WTAP: variants seen among roughly 807,000 people sequenced by gnomAD.
WTAP encodes the protein pre-mRNA-splicing regulator WTAP.
A neutral mutation model predicts 50.0 loss-of-function variants in WTAP; 8 were observed. The ratio of observed to expected loss-of-function variants is 0.16; its 90% CI spans 0.09 to 0.29. The LOEUF is 0.29. WTAP is among the 10% of genes least tolerant of loss of function. The pLI is 1.00. For synonymous variants in WTAP, 194 were observed against 169.0 expected, an observed-to-expected ratio of 1.15 and a Z score of -1.15; for missense variants, 295 against 470.7, an observed-to-expected ratio of 0.63 and a Z score of 3.45.
chr6:159,726,731 GAAC>G (rs1307551577), upstream of WTAP: 2 of 1,275,884 alleles, frequency 1.6e-6, no homozygotes, highest in South Asian at 1.2e-5. Flanking sequence ...CGACGCCAGA[GAAC>G]AATAGCTCCT....
intron 1 of WTAP, chr6:159,730,745 A>G (rs1417713551): frequency 2.6e-5 from 4 of 152,208 alleles, no homozygotes; most frequent in Non-Finnish European, 5.9e-5. Context: ...GTGATCTTAA[A>G]AGTGACTCTG....
rs1779005500 is a variant in WTAP at position 159,737,698 on chromosome 6, C to T, written c.31-1292C>T. On this transcript the variant is annotated intron_variant, in intron 2 of 7. Transcript: ENST00000621533. ...GTAGAGATGGGGTTTTGCCATGTTACCCAGGCTGATCTTGAACTCCCGAGT... is the reference window on the plus strand; with the variant it reads ...GTAGAGATGGGGTTTTGCCATGTTATCCAGGCTGATCTTGAACTCCCGAGT... 3.9e-5 allele frequency among the ~76,000 whole-genome samples: 6 copies of T among 152,148 alleles called. No homozygotes were observed. In the South Asian group the frequency reaches 1.2e-3, roughly 32 times the overall value.
At chr6:159,732,334 G>A (rs927036198) in intron 1 of WTAP, among the ~76,000 whole-genome samples, 1 of 152,078 alleles carries the variant, frequency 6.6e-6, no homozygotes, top group African/African-American at 2.4e-5. Flanking sequence ...TTAGTAACTA[G>A]ATAAAAGGTA....
chr6:159,738,766 C>T (rs759730762), intron 2 of WTAP, among the ~76,000 whole-genome samples: 1 of 151,780 alleles, frequency 6.6e-6, no homozygotes, highest in African/African-American at 2.4e-5. Flanking sequence ...GTGGTGATAC[C>T]TGGGGTTTTA....
At chr6:159,732,471 C>G (rs1778633283) in intron 1 of WTAP, among the ~76,000 whole-genome samples, 1 of 152,208 alleles carries the variant, frequency 6.6e-6, no homozygotes, top group Non-Finnish European at 1.5e-5. Flanking sequence ...TACATAGATA[C>G]AGATACTGAT....
At chr6:159,727,235 C>T, upstream of WTAP, 1 of 1,273,704 alleles carries the variant, frequency 7.9e-7, no homozygotes, top group South Asian at 1.3e-5. Flanking sequence ...AGGCCCCGAT[C>T]GGGCTAGGCC....
chr6:159,731,815 T>C (rs1275175477), intron 1 of WTAP, among the ~76,000 whole-genome samples: 1 of 152,240 alleles, frequency 6.6e-6, no homozygotes, highest in Non-Finnish European at 1.5e-5. Context: ...ATTTGCAAAG[T>C]TGACAACCTG....
intron 1 of WTAP, among the ~76,000 whole-genome samples, chr6:159,730,428 T>C (rs1778496440): frequency 6.6e-6 from 1 of 152,176 alleles, no homozygotes; most frequent in Non-Finnish European, 1.5e-5. Context: ...TAGGTTATTG[T>C]GTTTGTCATT....
intron 5 of WTAP, among the ~76,000 whole-genome samples, chr6:159,744,324 T>A (rs1005591156): frequency 6.6e-6 from 1 of 152,236 alleles, no homozygotes; most frequent in African/African-American, 2.4e-5. Context: ...TCTGGTAGTT[T>A]AGGCTCAATC....
intron 4 of WTAP, 81 bp downstream of exon 4, chr6:159,742,227 A>G: frequency 8.2e-7 from 1 of 1,224,292 alleles, no homozygotes; most frequent in South Asian, 1.3e-5. Context: ...GTTTTTATTA[A>G]AGCAAATGTA....
In WTAP at chr6:159,748,836, C is replaced by T; in HGVS notation, c.452+467C>T. 8.2e-7 allele frequency: 1 copy of T among 1,223,382 alleles called. No individual in the cohort carries two copies. Among genetic ancestry groups the T allele is most frequent in the Non-Finnish European group, 1.0e-6 (1 of 982,826 alleles). The allele number at this position is 1,223,382 out of a possible 1,614,324, so 75.8% of individuals were successfully genotyped here. The stretch of plus-strand genomic sequence containing the variant: ...AAACGGAATATGCATCGCTCTTAAC[C>T]TTGAGCATAGTGACTTAGAGACACT... On this transcript the variant is annotated intron_variant, in intron 6 of 7. Transcript: ENST00000621533. The surrounding 1 kb of genome is among the most constrained non-coding windows in gnomAD (Gnocchi z 5.6).
chr6:159,727,374 T>TGGCGGGAGGCGGGA (rs71033554), upstream of WTAP: 978 of 1,033,096 alleles, frequency 9.5e-4, 12 homozygotes, highest in African/African-American at 9.0e-3. Flanking sequence ...GCGGGGAGGC[T>TGGCGGGAGGCGGGA]GGCGGGAGGC....
intron 1 of WTAP, among the ~76,000 whole-genome samples, chr6:159,728,263 T>G (rs1455323094): frequency 6.6e-6 from 1 of 152,184 alleles, no homozygotes; most frequent in Non-Finnish European, 1.5e-5. Context: ...GTGAGACAGT[T>G]ACTAGATTTT....
intron 1 of WTAP, 144 bp from the exon 2 acceptor site, chr6:159,736,114 T>C (rs1341325647): frequency 9.2e-6 from 8 of 870,676 alleles, no homozygotes; most frequent in Non-Finnish European, 1.2e-5. Flanking sequence ...TCTAAAACTA[T>C]TTTAAAATTG....
intron 5 of WTAP, among the ~76,000 whole-genome samples, chr6:159,745,413 A>T (rs557990796): frequency 6.6e-6 from 1 of 151,608 alleles, no homozygotes; most frequent in South Asian, 2.1e-4. Context: ...TATTTCAACT[A>T]TAATGGAACC....
chr6:159,726,929 G>C (rs758286482), upstream of WTAP: 1 of 1,288,742 alleles, frequency 7.8e-7, no homozygotes, highest in Admixed American at 2.3e-5. Context: ...CTGGTCCTCC[G>C]ACACGCGGAA....
In WTAP at chr6:159,755,448, C is replaced by T. The variant is rs1779966403; in HGVS notation, c.1028C>T (p.Thr343Met). ...SAGYESVDSP[T>M]GSENSLTHQS... Reference sequence around the variant, plus strand: ...GGGTATGAAAGTGTAGACTCTCCCACGGGCAGTGAAAACTCTCTCACACAC... The same window carrying T: ...GGGTATGAAAGTGTAGACTCTCCCATGGGCAGTGAAAACTCTCTCACACAC... Residue 343 changes from threonine (T) to methionine (M), a missense_variant, in exon 8 of 8, where the codon ACG (threonine) becomes ATG (methionine). Thr to Met is a moderately conservative substitution (Grantham distance 81, BLOSUM62 -1). Transcript: ENST00000621533. 10 of 1,614,044 alleles carry T rather than the reference C, an allele frequency of 6.2e-6. No individual in the cohort carries two copies. The highest frequency in any genetic ancestry group is 8.5e-6 in the Non-Finnish European group (10 of 1,180,010).
In WTAP at chr6:159,731,306, A is replaced by G. The variant is rs187470310; in HGVS notation, c.-9+3603A>G. Among the ~76,000 whole-genome samples the G allele has an allele frequency of 5.2e-4, 78 of 151,278 alleles. 1 individual carries two copies. The highest frequency in any genetic ancestry group is 1.8e-3 in the African/African-American group (74 of 41,238). On this transcript the variant is annotated intron_variant, in intron 1 of 7. Coordinates refer to ENST00000621533, the MANE Select transcript of WTAP (RefSeq NM_001270531.2). ...CAAGACCTCATCTCTACTACCAAGA[A>G]AAAAAAAACAAATTAGCTGGGCGTG...
chr6:159,755,378 A>G lies in WTAP; in HGVS notation c.958A>G (p.Arg320Gly). ...TAAGTCCTCCAACAGCTCAGAGGAGAGAACTGGCAGAGGAGGTAGTGGTTA... is the reference window on the plus strand; with the variant it reads ...TAAGTCCTCCAACAGCTCAGAGGAGGGAACTGGCAGAGGAGGTAGTGGTTA... ...GNKSSNSSEE[R>G]TGRGGSGYVN... Residue 320 changes from arginine to glycine, a missense_variant, in exon 8 of 8, where the codon AGA becomes GGA. Transcript: ENST00000621533. The G allele has an allele frequency of 6.2e-7, 1 of 1,614,210 alleles. No homozygotes were observed.
Sources: gnomAD v4.1 joint callset for allele counts (sites outside exome capture counted in the v4.1 genomes callset) on GRCh38, gnomAD v4.1.1 for gene constraint, Gnocchi (gnomAD v3.1) non-coding constraint, MANE v1.5 for transcripts, NCBI Gene and HGNC (gene_info 2026-07-23, HGNC 2026-07-21) for gene names.